SDK1: variants seen among roughly 807,000 people sequenced by gnomAD.
SDK1 encodes the protein sidekick cell adhesion molecule 1.
A neutral mutation model predicts 245.5 loss-of-function variants in SDK1; 157 were observed. The ratio of observed to expected loss-of-function variants is 0.64; its 90% confidence interval spans 0.56 to 0.73. The LOEUF is 0.73. Ranked by LOEUF, SDK1 falls within the 30% of genes least tolerant of loss-of-function variation. The pLI is 0.00. For synonymous variants in SDK1, 1,647 were observed against 1,278.5 expected, an observed-to-expected ratio of 1.29 and a Z score of -6.15; for missense variants, 3,583 against 3,002.3, an observed-to-expected ratio of 1.19 and a Z score of -4.52.
chr7:3,654,283 C>G (rs1256159973), intron 4 of SDK1, among the ~76,000 whole-genome samples: 1 of 152,166 alleles, frequency 6.6e-6, no homozygotes, highest in Non-Finnish European at 1.5e-5. Flanking sequence ...CTGAACTGCT[C>G]TTATCCTGGG....
intron 28 of SDK1, among the ~76,000 whole-genome samples, chr7:4,133,439 A>T (rs1784982266): frequency 1.3e-5 from 2 of 152,216 alleles, no homozygotes; most frequent in South Asian, 4.1e-4. Context: ...TAAGGGAGAC[A>T]CATGTTGAGA....
chr7:4,010,071 G>A (rs549786141), intron 14 of SDK1, among the ~76,000 whole-genome samples: 6 of 152,300 alleles, frequency 3.9e-5, no homozygotes, highest in Middle Eastern at 3.4e-3. Flanking sequence ...GGACCTTAGC[G>A]CCACTTCAGG....
At chr7:3,903,606 C>G (rs2128106151) in intron 5 of SDK1, among the ~76,000 whole-genome samples, 1 of 152,278 alleles carries the variant, frequency 6.6e-6, no homozygotes, top group South Asian at 2.1e-4. Context: ...TATGACCTAG[C>G]AATACCACTC....
intron 21 of SDK1, among the ~76,000 whole-genome samples, chr7:4,079,150 A>G (rs1276833117): frequency 1.3e-5 from 2 of 152,216 alleles, no homozygotes; most frequent in Non-Finnish European, 2.9e-5. Flanking sequence ...TTCAGCCAGC[A>G]TCTGTTAATT....
intron 4 of SDK1, among the ~76,000 whole-genome samples, chr7:3,673,270 C>T (rs1291547239): frequency 6.6e-6 from 1 of 152,064 alleles, no homozygotes; most frequent in African/African-American, 2.4e-5. Context: ...GGAACAAATC[C>T]CATGGGGGCG....
chr7:3,703,060 CAAAA>C (rs34926857), intron 4 of SDK1, among the ~76,000 whole-genome samples: 958 of 87,632 alleles, frequency 0.011, 13 homozygotes, highest in African/African-American at 0.03. Flanking sequence ...GACTCTGTCT[CAAAA>C]AAAAAAAAAA....
intron 1 of SDK1, among the ~76,000 whole-genome samples, chr7:3,394,178 T>A (rs1781833657): frequency 6.6e-6 from 1 of 151,762 alleles, no homozygotes; most frequent in African/African-American, 2.4e-5. Flanking sequence ...ACACATGGAG[T>A]CAGTCTCTCC....
At chr7:4,231,766 C>T (rs1239169119) in intron 40 of SDK1, among the ~76,000 whole-genome samples, 3 of 152,182 alleles carry the variant, frequency 2.0e-5, no homozygotes, top group Non-Finnish European at 4.4e-5. Context: ...TCTAAATCCT[C>T]TGCAAATACA....
rs928112153 is a variant in SDK1, at chr7:4,207,821, C to G, written c.5215-278C>G. On this transcript the variant is annotated intron_variant, in intron 36 of 44. Coordinates refer to ENST00000404826, the MANE Select transcript of SDK1 (RefSeq NM_152744.4). The stretch of plus-strand genomic sequence containing the variant: ...CGTCCTCACAACTTATCTTCAACAG[C>G]GCTTTGTTTAACGAGGCAATGCTCA... 7.2e-5 allele frequency among the ~76,000 whole-genome samples: 11 copies of G among 152,142 alleles called. No homozygotes were observed. The East Asian group carries it at 1.7e-3, about 24-fold the overall frequency.
chr7:4,258,470 C>T lies in SDK1; in HGVS notation c.6382-6654C>T, dbSNP rs376894312. Among the ~76,000 whole-genome samples, 131 of 152,332 alleles carry T rather than the reference C, an allele frequency of 8.6e-4. 4 individuals carry two copies. The South Asian group carries it at 0.026, about 30-fold the overall frequency. ...TGCTGATTTCCCCACCATGCAGAGACGCTTTCCATATAAGACTCACCCATA... is the reference window on the plus strand; with the variant it reads ...TGCTGATTTCCCCACCATGCAGAGATGCTTTCCATATAAGACTCACCCATA... On this transcript the variant is annotated intron_variant, in intron 44 of 44. Transcript: ENST00000404826.
intron 1 of SDK1, among the ~76,000 whole-genome samples, chr7:3,465,748 A>G (rs563123315): frequency 6.6e-6 from 1 of 152,278 alleles, no homozygotes; most frequent in East Asian, 1.9e-4. Flanking sequence ...CCTGTCAGCC[A>G]GTTGAGACCA....
rs865856620 is a variant in SDK1 at position 3,556,649 on chromosome 7, C to T, written c.299-62431C>T. 4.6e-5 allele frequency among the ~76,000 whole-genome samples: 7 copies of T among 151,728 alleles called. No homozygotes were observed. The East Asian group carries it at 5.8e-4, about 13-fold the overall frequency. ...CAGTCTGGCGAACCTGGTGAAACCT[C>T]GTCTCTACTAAAAATACAAAAATTA... On this transcript the variant is annotated intron_variant, in intron 1 of 44. Transcript: ENST00000404826.
At chr7:3,354,474 C>A (rs1324806258) in intron 1 of SDK1, among the ~76,000 whole-genome samples, 1 of 152,130 alleles carries the variant, frequency 6.6e-6, no homozygotes, top group African/African-American at 2.4e-5. Flanking sequence ...CGAGAGTTTT[C>A]CGTGAAAGAA....
intron 5 of SDK1, among the ~76,000 whole-genome samples, chr7:3,901,583 T>C (rs1781791996): frequency 6.6e-6 from 1 of 152,198 alleles, no homozygotes; most frequent in East Asian, 1.9e-4. Flanking sequence ...TTAAGCTAAA[T>C]GGGGACCAAC....
chr7:3,747,701 G>C (rs1051791146), intron 4 of SDK1, among the ~76,000 whole-genome samples: 38 of 104,794 alleles, frequency 3.6e-4, no homozygotes, highest in African/African-American at 3.0e-3. Context: ...AGCCTGGGGT[G>C]TGTGTGTGTG....
chr7:3,568,145 A>G (rs1277861111), intron 1 of SDK1, among the ~76,000 whole-genome samples: 1 of 152,244 alleles, frequency 6.6e-6, no homozygotes, highest in African/African-American at 2.4e-5. Flanking sequence ...AACAATGATC[A>G]TTAAGAGATT....
intron 5 of SDK1, among the ~76,000 whole-genome samples, chr7:3,863,799 G>A (rs1179211185): frequency 4.6e-5 from 7 of 152,150 alleles, no homozygotes; most frequent in South Asian, 2.1e-4. Context: ...ATATTCCATC[G>A]TACGGATGGA....
At chr7:3,407,497 C>T (rs193037307) in intron 1 of SDK1, among the ~76,000 whole-genome samples, 1 of 152,016 alleles carries the variant, frequency 6.6e-6, no homozygotes, top group Non-Finnish European at 1.5e-5. Context: ...ATGAGTGAAC[C>T]AGTAAAATGA....
At chr7:3,489,440 T>TA (rs1781802844) in intron 1 of SDK1, among the ~76,000 whole-genome samples, 1 of 152,242 alleles carries the variant, frequency 6.6e-6, no homozygotes. Context: ...CTCCTGTTAG[T>TA]ATATCAGATA....
Sources: gnomAD v4.1 joint callset for allele counts (sites outside exome capture counted in the v4.1 genomes callset) on GRCh38, gnomAD v4.1.1 for gene constraint, MANE v1.5 for transcripts, NCBI Gene and HGNC (gene_info 2026-07-23, HGNC 2026-07-21) for gene names.